Variants in CACNA1C observed in about 807,000 individuals in gnomAD.
CACNA1C encodes the protein voltage-dependent L-type calcium channel subunit alpha-1C.
CACNA1C carries 30 observed loss-of-function variants against 229.0 expected under a neutral mutation model. That is an observed-to-expected ratio of 0.13 (90% CI 0.10 to 0.18). The LOEUF (loss-of-function observed/expected upper bound fraction) is 0.18. Among genes scored for constraint, CACNA1C ranks in the 10% least tolerant of loss-of-function variants. The pLI, the probability that CACNA1C is intolerant of heterozygous loss-of-function variation, is 1.00. For synonymous variants in CACNA1C, 1,114 were observed against 1,132.5 expected (o/e 0.98, Z 0.33); for missense variants, 1,658 against 2,845.0 (o/e 0.58, Z 9.49).
At chr12:2,121,407 A>C (rs1269632498) in intron 3 of CACNA1C, among the ~76,000 whole-genome samples, 1 of 152,092 alleles carries the variant, frequency 6.6e-6, no homozygotes, top group Non-Finnish European at 1.5e-5. Flanking sequence ...GTAACCTTTG[A>C]CATTTTCTTG....
chr12:2,033,251 T>C (rs2048526086), intron 1 of CACNA1C, among the ~76,000 whole-genome samples: 1 of 152,124 alleles, frequency 6.6e-6, no homozygotes, highest in Non-Finnish European at 1.5e-5. Context: ...CTGGGTCCTC[T>C]TTCTGGCCCT....
Position 2,521,531 on chromosome 12 carries a change from T to C in CACNA1C, c.1390+8547T>C, listed in dbSNP as rs138089256. Reference sequence around the variant, plus strand: ...GGCCTGGAGGACAGCATCCTCTGCCTGCCCGCCAGGGTCCCAGCCCAAACC... The same window carrying C: ...GGCCTGGAGGACAGCATCCTCTGCCCGCCCGCCAGGGTCCCAGCCCAAACC... On this transcript the variant is annotated intron_variant, in intron 9 of 46. Coordinates refer to ENST00000399655, the MANE Select transcript of CACNA1C (RefSeq NM_000719.7). Among the ~76,000 whole-genome samples the C allele has an allele frequency of 5.0e-3, 759 of 152,294 alleles. 1 individual carries two copies. Among genetic ancestry groups the C allele is most frequent in the African/African-American group, 0.017 (708 of 41,566 alleles).
At chr12:2,676,977 C>T (rs879812967) in intron 39 of CACNA1C, 117 bp from the exon 40 acceptor site, 3 of 807,300 alleles carry the variant, frequency 3.7e-6, no homozygotes, top group Non-Finnish European at 6.1e-6. Flanking sequence ...AATGTATTAC[C>T]TCTCCAAAAA....
chr12:2,171,909 T>C (rs1451559801), intron 3 of CACNA1C, among the ~76,000 whole-genome samples: 1 of 152,118 alleles, frequency 6.6e-6, no homozygotes, highest in East Asian at 1.9e-4. Context: ...ACGGCCACTA[T>C]GCACAGAGGC....
chr12:2,458,099 G>C (rs1049105522), intron 5 of CACNA1C, among the ~76,000 whole-genome samples: 1 of 152,146 alleles, frequency 6.6e-6, no homozygotes, highest in Non-Finnish European at 1.5e-5. Flanking sequence ...TACTTTCTGT[G>C]TTTTTCCAAA....
intron 1 of CACNA1C, among the ~76,000 whole-genome samples, chr12:1,999,647 G>A (rs1018649255): frequency 6.6e-6 from 1 of 152,116 alleles, no homozygotes; most frequent in African/African-American, 2.4e-5. Flanking sequence ...GATTGCTTCA[G>A]CCCAGGAGTT....
intron 29 of CACNA1C, among the ~76,000 whole-genome samples, chr12:2,623,225 C>T (rs915327596): frequency 7.2e-5 from 11 of 152,120 alleles, no homozygotes; most frequent in African/African-American, 2.4e-4. Flanking sequence ...GTTCAAACAT[C>T]GAGACTGTTG....
intron 34 of CACNA1C, among the ~76,000 whole-genome samples, chr12:2,656,946 T>G (rs555328067): frequency 6.6e-6 from 1 of 152,328 alleles, no homozygotes; most frequent in South Asian, 2.1e-4. Context: ...TAGAAGACAA[T>G]GGAATAATAT....
intron 9 of CACNA1C, among the ~76,000 whole-genome samples, chr12:2,532,638 C>T (rs2099843896): frequency 6.6e-6 from 1 of 152,236 alleles, no homozygotes; most frequent in South Asian, 2.1e-4. Context: ...GACACTCCCA[C>T]TCCTCACCCC....
intron 3 of CACNA1C, among the ~76,000 whole-genome samples, chr12:2,158,487 G>A (rs1250262418): frequency 6.6e-6 from 1 of 152,098 alleles, no homozygotes; most frequent in African/African-American, 2.4e-5. Context: ...TGAGATGGGA[G>A]GATTGCTTGA....
chr12:2,154,768 C>G (rs550660711), intron 3 of CACNA1C, among the ~76,000 whole-genome samples: 2 of 152,338 alleles, frequency 1.3e-5, no homozygotes, highest in East Asian at 1.9e-4. Flanking sequence ...AATGTCTGAT[C>G]GGAGAGTTTA....
At chr12:2,593,180 G>A in intron 18 of CACNA1C, 33 bp from the exon 19 acceptor site, 1 of 1,602,778 alleles carries the variant, frequency 6.2e-7, no homozygotes, top group East Asian at 2.2e-5. Context: ...GGGAGTGCTG[G>A]AGTTATTTAG....
chr12:2,041,270 C>CTTT (rs58922699), intron 1 of CACNA1C, among the ~76,000 whole-genome samples: 10,785 of 90,408 alleles, frequency 0.12, 1,196 homozygotes, highest in African/African-American at 0.13. Context: ...TAAGGGTATT[C>CTTT]TTTTTTTTTT....
chr12:2,038,696 G>C (rs1190173149), intron 1 of CACNA1C, among the ~76,000 whole-genome samples: 1 of 152,116 alleles, frequency 6.6e-6, no homozygotes, highest in South Asian at 2.1e-4. Flanking sequence ...TAGTTTTGCC[G>C]GGCAGCTTTG....
chr12:2,182,417 T>C (rs939058874), intron 3 of CACNA1C, among the ~76,000 whole-genome samples: 3 of 151,960 alleles, frequency 2.0e-5, no homozygotes, highest in African/African-American at 4.8e-5. Flanking sequence ...GGGGTTTTTT[T>C]CCCCCTCCTA....
At chr12:1,975,700 A>G (rs2034122140) in intron 1 of CACNA1C, among the ~76,000 whole-genome samples, 1 of 152,172 alleles carries the variant, frequency 6.6e-6, no homozygotes, top group South Asian at 2.1e-4. Context: ...TCAAGCTGAG[A>G]ACCTTAATAG....
chr12:2,162,375 G>A (rs529027019), intron 3 of CACNA1C, among the ~76,000 whole-genome samples: 22 of 151,934 alleles, frequency 1.4e-4, no homozygotes, highest in Admixed American at 3.3e-4. Flanking sequence ...AGGGAAACAA[G>A]TCTGCCCCGT....
chr12:2,341,743 C>T (rs973683010), intron 3 of CACNA1C, among the ~76,000 whole-genome samples: 4 of 152,206 alleles, frequency 2.6e-5, no homozygotes, highest in African/African-American at 7.2e-5. Context: ...AGTACGAGCA[C>T]GTGTGACGGA....
intron 3 of CACNA1C, among the ~76,000 whole-genome samples, chr12:2,145,432 A>G (rs1475732849): frequency 6.6e-6 from 1 of 151,184 alleles, no homozygotes; most frequent in Non-Finnish European, 1.5e-5. Flanking sequence ...TTGTAATTCT[A>G]TAAATTGAAA....
Sources: allele counts gnomAD v4.1 joint callset (sites outside exome capture counted in the v4.1 genomes callset), GRCh38; gene constraint gnomAD v4.1.1; transcripts MANE v1.5; gene names NCBI Gene and HGNC (gene_info 2026-07-23, HGNC 2026-07-21).